Variants in DPP6 observed in about 807,000 individuals in gnomAD.
DPP6 encodes the protein A-type potassium channel modulatory protein DPP6.
In DPP6, 69 loss-of-function variants were observed where a neutral mutation model predicts 122.6. The observed-to-expected ratio is 0.56, with a 90% CI of 0.46 to 0.69. The LOEUF (loss-of-function observed/expected upper bound fraction) is 0.69. DPP6 is among the 30% of genes least tolerant of loss of function. The pLI is 0.00. For missense variants in DPP6, 928 were observed against 1,116.9 expected, an observed-to-expected ratio of 0.83 and a Z score of 2.41; for synonymous variants, 418 against 433.1, an observed-to-expected ratio of 0.97 and a Z score of 0.43.
At chr7:153,933,928 G>A (rs1451953805) in intron 1 of DPP6, among the ~76,000 whole-genome samples, 3 of 152,310 alleles carry the variant, frequency 2.0e-5, no homozygotes, top group South Asian at 2.1e-4. Context: ...ATCGTGGATC[G>A]CGTGGGAACA....
At chr7:154,885,495 C>T in intron 21 of DPP6, 138 bp from the exon 22 acceptor site, 1 of 1,264,252 alleles carries the variant, frequency 7.9e-7, no homozygotes, top group Non-Finnish European at 1.1e-6. Context: ...CCGTGAACAA[C>T]TTTCCAAGTG....
At chr7:154,652,315 T>C (rs61603581) in intron 6 of DPP6, among the ~76,000 whole-genome samples, 2,850 of 152,170 alleles carry the variant, frequency 0.019, 104 homozygotes, top group East Asian at 0.19. Context: ...ATTTATTACT[T>C]TTTTTCCCCT....
intron 1 of DPP6, among the ~76,000 whole-genome samples, chr7:154,383,760 C>T (rs982177168): frequency 6.6e-5 from 10 of 151,732 alleles, no homozygotes; most frequent in African/African-American, 1.5e-4. Context: ...CATGGTGGTG[C>T]GTGCCTGTAA....
rs1436902102 is a variant in DPP6, at chr7:154,755,142, ATAAAT to A, written c.884-14270_884-14266del. Among the ~76,000 whole-genome samples the A allele has an allele frequency of 2.3e-5, 3 of 132,912 alleles. No homozygotes were observed. The highest frequency in any genetic ancestry group is 2.2e-4 in the South Asian group (1 of 4,468). 87.2% of individuals were successfully genotyped at this position (132,912 alleles called of 152,430 possible). On this transcript the variant is annotated intron_variant, in intron 8 of 25. Coordinates refer to ENST00000377770, the MANE Select transcript of DPP6 (RefSeq NM_130797.4). This position sits in a 1 kb window ranked among gnomAD's most constrained non-coding sequence, Gnocchi z 4.7. Reference sequence around the variant, plus strand: ...CATGTATCCCAGAACTTAAAGTAAAATAAATTAAAAAAAAAAAAAAAAGAAACTGA... The same window carrying A: ...CATGTATCCCAGAACTTAAAGTAAAATAAAAAAAAAAAAAAAAGAAACTGA...
intron 5 of DPP6, among the ~76,000 whole-genome samples, chr7:154,632,773 A>G (rs1225251148): frequency 6.6e-6 from 1 of 152,200 alleles, no homozygotes; most frequent in Non-Finnish European, 1.5e-5. Context: ...AGTGTCCACG[A>G]TGGTACAGAG....
chr7:154,779,088 C>T (rs367995811), intron 10 of DPP6, among the ~76,000 whole-genome samples: 38 of 5,696 alleles, frequency 6.7e-3, no homozygotes, highest in Non-Finnish European at 0.011. Flanking sequence ...ACCTCCACAA[C>T]CTCTACCACC....
rs1312039336 is a variant in DPP6 at position 154,758,446 on chromosome 7, A to G, written c.884-10971A>G. Among the ~76,000 whole-genome samples, 3 of 147,638 alleles carry G rather than the reference A, an allele frequency of 2.0e-5. No homozygotes were observed. In the Admixed American group the frequency reaches 2.1e-4, roughly 10 times the overall value. On this transcript the variant is annotated intron_variant, in intron 8 of 25. Transcript: ENST00000377770. ...GAGTGCAGTGGCTCAATCTCGACTC[A>G]CTGAAATCTTCACCTCCCAGGTTCA...
At position 154,892,718 on chromosome 7, in the gene DPP6, C is replaced by T; in HGVS notation, c.*238C>T. 1 of 865,256 alleles carries T rather than the reference C, an allele frequency of 1.2e-6. No homozygotes were observed. The highest frequency in any genetic ancestry group is 1.9e-6 in the Non-Finnish European group (1 of 529,326). 53.6% of individuals were successfully genotyped at this position (865,256 alleles called of 1,614,324 possible). ...CGCTGTCCCCGCAGCAGCGCCTCCT[C>T]CCGGCGCCCGAGAGACCGGCACGCC... On this transcript the variant is annotated 3_prime_UTR_variant, in exon 26 of 26. Transcript: ENST00000377770.
chr7:154,662,376 AT>A, intron 6 of DPP6, among the ~76,000 whole-genome samples: 1 of 150,222 alleles, frequency 6.7e-6, no homozygotes, highest in South Asian at 2.1e-4. Context: ...ACCATGGCGT[AT>A]TGGCCCTAGT....
At chr7:154,122,889 T>TCTCCTCCCTCTGCCCATCCTC (rs1807594246) in intron 1 of DPP6, among the ~76,000 whole-genome samples, 1 of 151,984 alleles carries the variant, frequency 6.6e-6, no homozygotes, top group African/African-American at 2.4e-5. Flanking sequence ...GGCATCAGAC[T>TCTCCTCCCTCTGCCCATCCTC]CTCCTCCCTC....
chr7:154,696,830 GA>G (rs1840247695), intron 7 of DPP6, among the ~76,000 whole-genome samples: 1 of 152,234 alleles, frequency 6.6e-6, no homozygotes, highest in Non-Finnish European at 1.5e-5. Flanking sequence ...CGATTATGGA[GA>G]ACCACCCAGA....
intron 5 of DPP6, among the ~76,000 whole-genome samples, chr7:154,575,001 GTGTGTGTGTTTGTGGGT>G (rs1831448060): frequency 6.9e-6 from 1 of 143,920 alleles, no homozygotes; most frequent in African/African-American, 2.6e-5. Context: ...TATGTGTGGG[GTGTGTGTGTTTGTGGGT>G]GGTGTATGTG....
chr7:153,876,212 C>A, the DPP6 span, among the ~76,000 whole-genome samples: 1 of 151,806 alleles, frequency 6.6e-6, no homozygotes, highest in African/African-American at 2.4e-5. Context: ...TTTTACCATA[C>A]CTCTCTGAGA....
intron 1 of DPP6, among the ~76,000 whole-genome samples, chr7:154,044,580 A>C (rs1342966008): frequency 1.3e-5 from 2 of 152,212 alleles, no homozygotes; most frequent in Non-Finnish European, 2.9e-5. Flanking sequence ...GTTAAAATTC[A>C]AGAAAAGCTA....
intron 13 of DPP6, among the ~76,000 whole-genome samples, chr7:154,803,313 T>C (rs1798492380): frequency 6.6e-6 from 1 of 152,218 alleles, no homozygotes; most frequent in Non-Finnish European, 1.5e-5. Flanking sequence ...TCTGTTACCA[T>C]TCTTCTTAGC....
At chr7:154,086,021 C>G (rs556612141) in intron 1 of DPP6, among the ~76,000 whole-genome samples, 1 of 152,068 alleles carries the variant, frequency 6.6e-6, no homozygotes, top group Non-Finnish European at 1.5e-5. Flanking sequence ...CCACCGCACC[C>G]AGCCAGCATT....
At chr7:154,536,989 T>C (rs1453595439) in intron 3 of DPP6, among the ~76,000 whole-genome samples, 1 of 152,136 alleles carries the variant, frequency 6.6e-6, no homozygotes, top group Non-Finnish European at 1.5e-5. Context: ...AGAAAATATA[T>C]AGGAGAACAT....
At chr7:154,128,254 A>T (rs1344740959) in intron 1 of DPP6, among the ~76,000 whole-genome samples, 1 of 151,886 alleles carries the variant, frequency 6.6e-6, no homozygotes, top group Non-Finnish European at 1.5e-5. Context: ...AATTAAAATT[A>T]AGTTTGACAT....
intron 1 of DPP6, among the ~76,000 whole-genome samples, chr7:154,202,375 C>T (rs547573718): frequency 2.0e-5 from 3 of 152,294 alleles, no homozygotes; most frequent in Non-Finnish European, 2.9e-5. Context: ...CAGCTCCTAC[C>T]GGAACAGTGG....
Sources: gnomAD v4.1 joint callset for allele counts (sites outside exome capture counted in the v4.1 genomes callset) on GRCh38, gnomAD v4.1.1 for gene constraint, Gnocchi (gnomAD v3.1) non-coding constraint, MANE v1.5 for transcripts, NCBI Gene and HGNC (gene_info 2026-07-23, HGNC 2026-07-21) for gene names.